Variants in U2AF2 observed in about 807,000 individuals in gnomAD.
U2AF2 encodes the protein splicing factor U2AF 65 kDa subunit.
A neutral mutation model predicts 52.6 loss-of-function variants in U2AF2; 6 were observed. The ratio of observed to expected loss-of-function variants is 0.11; its 90% CI spans 0.06 to 0.23. The LOEUF is 0.23. Ranked by LOEUF, U2AF2 falls within the 10% of genes least tolerant of loss-of-function variation. The probability of loss-of-function intolerance (pLI) is 1.00; values close to 1 mark genes in which losing one functional copy is unlikely to be tolerated. For missense variants in U2AF2, 222 were observed against 677.1 expected (o/e 0.33, Z 7.46); for synonymous variants, 284 against 258.2 (o/e 1.10, Z -0.96).
At chr19:55,669,910 G>T (rs1487044761) in intron 11 of U2AF2, among the ~76,000 whole-genome samples, 1 of 152,186 alleles carries the variant, frequency 6.6e-6, no homozygotes, top group African/African-American at 2.4e-5. Context: ...GACCCTGAGG[G>T]GTTTGTGGCC....
chr19:55,661,406 C>G (rs1223284180), intron 5 of U2AF2: 9 of 509,620 alleles, frequency 1.8e-5, no homozygotes, highest in East Asian at 3.3e-5. Flanking sequence ...TCCCCTCCCC[C>G]CAACCTCCTC....
At chr19:55,670,188 G>A (rs940106551) in intron 11 of U2AF2, among the ~76,000 whole-genome samples, 3 of 152,018 alleles carry the variant, frequency 2.0e-5, no homozygotes, top group African/African-American at 7.3e-5. Context: ...GACAGGCACA[G>A]CGGGGGTGGC....
In U2AF2 at chr19:55,674,156, C is replaced by T; in HGVS notation, c.*88C>T. On this transcript the variant is annotated 3_prime_UTR_variant, in exon 12 of 12. Coordinates refer to ENST00000308924, the MANE Select transcript of U2AF2 (RefSeq NM_007279.3). Reference sequence around the variant, plus strand: ...CTTATCCCCCTCTGAAGACGATGGGCAGAGGAGTGACAGCCGCAGACACAC... The same window carrying T: ...CTTATCCCCCTCTGAAGACGATGGGTAGAGGAGTGACAGCCGCAGACACAC... 7.6e-7 allele frequency: 1 copy of T among 1,323,698 alleles called. No homozygotes were observed. The highest frequency in any genetic ancestry group is 9.8e-7 in the Non-Finnish European group (1 of 1,018,736). 82.0% of individuals were successfully genotyped at this position (1,323,698 alleles called of 1,614,324 possible).
At chr19:55,666,886 T>G (rs1474230960) in intron 7 of U2AF2, among the ~76,000 whole-genome samples, 1 of 152,122 alleles carries the variant, frequency 6.6e-6, no homozygotes, top group African/African-American at 2.4e-5. Flanking sequence ...CACAGCTGAG[T>G]GTGGGCTCTG....
chr19:55,659,227 C>T lies in U2AF2; in HGVS notation c.67C>T (p.Arg23Trp), dbSNP rs978342560. ...TTGCCCAGAGCGGGACAAGGAGAAC[C>T]GGCATCGGAAGCGCAGCCACAGCCG... ...ENKQERDKEN[R>W]HRKRSHSRSR... Residue 23 changes from arginine (R) to tryptophan (W), a missense_variant, in exon 2 of 12, where the codon CGG becomes TGG. This residue lies in a region of U2AF2 where 100 missense variants were observed against 144.1 expected (regional missense o/e 0.69). Coordinates refer to ENST00000308924, the MANE Select transcript of U2AF2 (RefSeq NM_007279.3). The T allele has an allele frequency of 6.3e-7, 1 of 1,594,410 alleles. No homozygotes were observed. Among genetic ancestry groups the T allele is most frequent in the Non-Finnish European group, 8.6e-7 (1 of 1,168,976 alleles).
chr19:55,659,335 C>A lies in U2AF2; in HGVS notation c.175C>A (p.Arg59=). 6.5e-7 allele frequency: 1 copy of A among 1,539,806 alleles called. No homozygotes were observed. Among genetic ancestry groups the A allele is most frequent in the Non-Finnish European group, 8.8e-7 (1 of 1,139,138 alleles). Residue 59 remains arginine (R), a synonymous_variant, in exon 2 of 12, where the codon CGA becomes AGA. Transcript: ENST00000308924. ...CCAGCGGAGCGCCTCCCGGGACAGG[C>A]GACGACGCAGGTACTAGGGCTCAGG... ...RDQRSASRDR[R]RRSKPLTRGA...
chr19:55,669,856 A>G (rs745954318), intron 11 of U2AF2, among the ~76,000 whole-genome samples, 164 bp downstream of exon 11: 2 of 152,038 alleles, frequency 1.3e-5, no homozygotes, highest in Admixed American at 6.5e-5. Flanking sequence ...GGTGTATGCC[A>G]TCACTGAGTG....
In U2AF2 at chr19:55,669,668, C is replaced by T. The variant is rs142476432; in HGVS notation, c.1269C>T (p.Gly423=). Residue 423 remains glycine, a synonymous_variant, in exon 11 of 12, where the codon GGC becomes GGT. Transcript: ENST00000308924. ...KSIEIPRPVD[G]VEVPGCGKIF... is the part of the protein sequence containing the mutation. ...TCGAGATCCCCCGGCCTGTGGACGGCGTCGAGGTGCCCGGCTGCGGAAAGG... is the reference window on the plus strand; with the variant it reads ...TCGAGATCCCCCGGCCTGTGGACGGTGTCGAGGTGCCCGGCTGCGGAAAGG... 1.8e-5 allele frequency: 29 copies of T among 1,610,100 alleles called. No individual in the cohort carries two copies. Among genetic ancestry groups the T allele is most frequent in the East Asian group, 4.5e-5 (2 of 44,854 alleles).
intron 1 of U2AF2, chr19:55,658,995 C>T (rs940758853): frequency 1.6e-5 from 10 of 608,246 alleles, no homozygotes; most frequent in Non-Finnish European, 2.0e-5. Flanking sequence ...TCTTACACCC[C>T]GGGGGCATTT....
chr19:55,661,267 C>T (rs1984171226), intron 5 of U2AF2, 78 bp downstream of exon 5: 3 of 1,381,258 alleles, frequency 2.2e-6, no homozygotes, highest in Admixed American at 2.4e-5. Flanking sequence ...TCCCTTTCCC[C>T]AACCTGCACG....
intron 6 of U2AF2, 131 bp downstream of exon 6, chr19:55,662,749 G>A (rs1350343426): frequency 1.4e-5 from 10 of 737,460 alleles, no homozygotes; most frequent in East Asian, 2.5e-5. Context: ...CCACCCGGTC[G>A]CTGAAGTGAG....
intron 1 of U2AF2, among the ~76,000 whole-genome samples, 165 bp downstream of exon 1, chr19:55,655,318 C>T (rs1292288277): frequency 6.6e-6 from 1 of 152,250 alleles, no homozygotes; most frequent in East Asian, 1.9e-4. Context: ...CCCAGCGTTC[C>T]GCCGCGCGCT....
rs1017687558 is a variant in U2AF2, at chr19:55,674,593, C to G, written c.*525C>G. The G allele has an allele frequency of 6.5e-6, 1 of 153,718 alleles. No homozygotes were observed. The highest frequency in any genetic ancestry group is 1.5e-5 in the Non-Finnish European group (1 of 68,724). The allele number at this position is 153,718 out of a possible 1,614,324, so 9.5% of individuals were successfully genotyped here. ...TGGGTTTCTTACGTAGTTGATTTTT[C>G]CTCTTTAGTCTCCCCCGACCTGCGC... is the stretch of plus-strand genomic sequence containing the variant. On this transcript the variant is annotated 3_prime_UTR_variant, in exon 12 of 12. Coordinates refer to ENST00000308924, the MANE Select transcript of U2AF2 (RefSeq NM_007279.3).
intron 5 of U2AF2, chr19:55,661,393 G>A (rs1462086299): frequency 1.9e-5 from 9 of 480,510 alleles, no homozygotes; most frequent in Admixed American, 4.2e-5. Context: ...CCCCTCTCCC[G>A]TCTCCCCTCC....
At chr19:55,670,530 G>C in intron 11 of U2AF2, 1 of 334,068 alleles carries the variant, frequency 3.0e-6, no homozygotes, top group African/African-American at 2.3e-5. Context: ...GCACCCTGCT[G>C]TCCCTGCACC....
chr19:55,662,756 T>G (rs1448174291), intron 6 of U2AF2, 138 bp downstream of exon 6: 2 of 725,132 alleles, frequency 2.8e-6, no homozygotes, highest in Non-Finnish European at 4.7e-6. Context: ...GTCGCTGAAG[T>G]GAGCCCTGTT....
rs773141520 is a variant in U2AF2, at chr19:55,668,663, A to G, written c.823-7A>G. ...TCCCAGCCCTGATGGACTCTCGGCT[A>G]CTGCAGGTCAAAGAGCTGCTGACAT... On this transcript the variant is annotated splice_region_variant and splice_polypyrimidine_tract_variant and intron_variant, in intron 8 of 11. Transcript: ENST00000308924. This position sits in a 1 kb window ranked among gnomAD's most constrained non-coding sequence, Gnocchi z 5.5. The G allele has an allele frequency of 3.1e-6, 5 of 1,607,186 alleles. No homozygotes were observed. The Admixed American group carries it at 8.4e-5, about 27-fold the overall frequency.
intron 7 of U2AF2, among the ~76,000 whole-genome samples, chr19:55,664,279 T>C (rs1046772709): frequency 1.3e-5 from 2 of 152,206 alleles, no homozygotes; most frequent in African/African-American, 4.8e-5. Context: ...ACCATGTCAC[T>C]GTGTGTGAAA....
chr19:55,665,829 A>G (rs917282657), intron 7 of U2AF2, among the ~76,000 whole-genome samples: 3 of 152,068 alleles, frequency 2.0e-5, no homozygotes, highest in Admixed American at 2.0e-4. Context: ...TTGTGTTTTT[A>G]GTAGAGATGG....
Sources: gnomAD v4.1 joint callset for allele counts (sites outside exome capture counted in the v4.1 genomes callset) on GRCh38, gnomAD v4.1.1 for gene constraint, gnomAD v4.1.1 regional missense constraint, Gnocchi (gnomAD v3.1) non-coding constraint, MANE v1.5 for transcripts, NCBI Gene and HGNC (gene_info 2026-07-23, HGNC 2026-07-21) for gene names.